SRRM4: variants seen among roughly 807,000 people sequenced by gnomAD.
The protein encoded by SRRM4 is serine/arginine repetitive matrix 4, also known as serine/arginine repetitive matrix protein 4.
In SRRM4, 33 loss-of-function variants were observed where a neutral mutation model predicts 68.9. That is an observed-to-expected ratio of 0.48 (90% CI 0.36 to 0.64). SRRM4 has a LOEUF of 0.64. Among genes scored for constraint, SRRM4 ranks in the 30% least tolerant of loss-of-function variants. SRRM4 has a pLI of 0.00. For missense variants in SRRM4, 817 were observed against 827.1 expected, an observed-to-expected ratio of 0.99 and a Z score of 0.15; for synonymous variants, 318 against 318.8, an observed-to-expected ratio of 1.00 and a Z score of 0.03.
intron 1 of SRRM4, among the ~76,000 whole-genome samples, chr12:119,065,672 T>C (rs1463045539): frequency 6.6e-6 from 1 of 152,086 alleles, no homozygotes; most frequent in African/African-American, 2.4e-5. Flanking sequence ...AAGGAGGAGC[T>C]TGCAGGGAGG....
chr12:119,130,424 T>G (rs200267299), intron 7 of SRRM4, among the ~76,000 whole-genome samples: 3 of 150,664 alleles, frequency 2.0e-5, no homozygotes, highest in Non-Finnish European at 3.0e-5. Context: ...GATGGATGGA[T>G]GGATGGATGG....
At chr12:119,131,990 G>T (rs1298902915) in intron 8 of SRRM4, among the ~76,000 whole-genome samples, 1 of 152,178 alleles carries the variant, frequency 6.6e-6, no homozygotes, top group African/African-American at 2.4e-5. Context: ...GGTTGGGCCT[G>T]GTTGACACAA....
At chr12:119,047,028 T>TC (rs1953711951) in intron 1 of SRRM4, among the ~76,000 whole-genome samples, 2 of 65,988 alleles carry the variant, frequency 3.0e-5, no homozygotes, top group Non-Finnish European at 6.0e-5. Flanking sequence ...TGAGATCCCG[T>TC]CTAAAAAAAA....
intron 4 of SRRM4, 56 bp downstream of exon 4, chr12:119,117,064 T>C (rs1954185316): frequency 7.0e-7 from 1 of 1,433,494 alleles, no homozygotes; most frequent in Admixed American, 1.7e-5. Flanking sequence ...GGGAGGACAG[T>C]TGATGGCACT....
At chr12:119,050,732 A>G (rs1200552281) in intron 1 of SRRM4, among the ~76,000 whole-genome samples, 1 of 152,190 alleles carries the variant, frequency 6.6e-6, no homozygotes, top group African/African-American at 2.4e-5. Flanking sequence ...TATTCAACAA[A>G]TATTTGTTGA....
At chr12:118,993,865 C>G (rs1953332708) in intron 1 of SRRM4, 1 of 152,192 alleles carries the variant, frequency 6.6e-6, no homozygotes, top group African/African-American at 2.4e-5. Context: ...CTGCTGGGTG[C>G]TATAACACAT....
rs117813832 is a variant in SRRM4, at chr12:118,991,501, T to C, written c.131+9488T>C. ...ATTTGGGCGATCATTGGCTAAAGCA[T>C]ACCTCTCCTAACGGTTGAGGCCTCA... On this transcript the variant is annotated intron_variant, in intron 1 of 12. Transcript: ENST00000267260. 5.9e-3 allele frequency among the ~76,000 whole-genome samples: 899 copies of C among 152,340 alleles called. 27 individuals carry two copies. The East Asian group carries it at 0.1, about 18-fold the overall frequency.
intron 1 of SRRM4, among the ~76,000 whole-genome samples, chr12:119,088,466 T>G (rs1019439338): frequency 6.6e-6 from 1 of 152,218 alleles, no homozygotes; most frequent in Admixed American, 6.5e-5. Flanking sequence ...ATGATAATTA[T>G]AATAATAAAA....
intron 1 of SRRM4, among the ~76,000 whole-genome samples, chr12:119,061,475 T>C (rs1953812044): frequency 6.6e-6 from 1 of 152,228 alleles, no homozygotes; most frequent in South Asian, 2.1e-4. Flanking sequence ...ACTACCTGGC[T>C]GTTGCAGCCG....
chr12:119,111,678 C>G (rs903514196), intron 2 of SRRM4, among the ~76,000 whole-genome samples: 6 of 152,150 alleles, frequency 3.9e-5, no homozygotes, highest in African/African-American at 1.4e-4. Flanking sequence ...TTATTTCATT[C>G]ATTTATTCTC....
At chr12:119,139,839 C>A (rs928365911) in intron 8 of SRRM4, among the ~76,000 whole-genome samples, 1 of 151,752 alleles carries the variant, frequency 6.6e-6, no homozygotes, top group East Asian at 1.9e-4. Context: ...GAAAGGGCAC[C>A]TTTTTCTAAT....
chr12:119,114,223 T>A (rs867825645), intron 2 of SRRM4, 55 bp from the exon 3 acceptor site: 16 of 1,489,750 alleles, frequency 1.1e-5, no homozygotes, highest in Middle Eastern at 1.7e-4. Context: ...CCAGCTCTGG[T>A]TGGGGAGTTG....
At chr12:119,099,920 T>A (rs978557316) in intron 1 of SRRM4, among the ~76,000 whole-genome samples, 2 of 152,210 alleles carry the variant, frequency 1.3e-5, no homozygotes, top group East Asian at 3.9e-4. Context: ...ACATTATTAC[T>A]TCTACTACAT....
intron 8 of SRRM4, 55 bp downstream of exon 8, chr12:119,130,889 G>A: frequency 5.2e-6 from 8 of 1,547,648 alleles, no homozygotes; most frequent in South Asian, 1.2e-5. Context: ...CTTGGGGAAT[G>A]TGGAGGCACA....
intron 1 of SRRM4, among the ~76,000 whole-genome samples, chr12:119,093,812 T>A (rs1326922949): frequency 6.6e-6 from 1 of 152,224 alleles, no homozygotes; most frequent in African/African-American, 2.4e-5. Flanking sequence ...AGCCTGCATT[T>A]TAGGCAGTCT....
chr12:119,122,725 C>T (rs180717603), intron 6 of SRRM4, among the ~76,000 whole-genome samples: 2,949 of 151,528 alleles, frequency 0.019, 138 homozygotes, highest in East Asian at 0.17. Flanking sequence ...TGTGTGTGTG[C>T]GCTGTGTAAG....
intron 1 of SRRM4, among the ~76,000 whole-genome samples, chr12:119,099,953 C>G (rs1324994345): frequency 6.6e-6 from 1 of 152,194 alleles, no homozygotes; most frequent in African/African-American, 2.4e-5. Context: ...ATGTGAGTCA[C>G]TAAGCCCATC....
intron 1 of SRRM4, among the ~76,000 whole-genome samples, chr12:119,089,319 A>G (rs769914656): frequency 2.0e-5 from 3 of 152,216 alleles, no homozygotes; most frequent in African/African-American, 4.8e-5. Flanking sequence ...AAAGCTCTCT[A>G]ATAAACCCAC....
intron 1 of SRRM4, among the ~76,000 whole-genome samples, chr12:119,056,912 A>C (rs1316382492): frequency 6.6e-6 from 1 of 152,210 alleles, no homozygotes; most frequent in African/African-American, 2.4e-5. Flanking sequence ...GTTTCTGCAG[A>C]GCCCACTACA....
Sources: allele counts gnomAD v4.1 joint callset (sites outside exome capture counted in the v4.1 genomes callset), GRCh38; gene constraint gnomAD v4.1.1; transcripts MANE v1.5; gene names NCBI Gene and HGNC (gene_info 2026-07-23, HGNC 2026-07-21).